Variants in COL4A3 observed in about 807,000 individuals in gnomAD.
The protein encoded by COL4A3 is collagen alpha-3(IV) chain.
COL4A3 carries 135 observed loss-of-function variants against 217.4 expected under a neutral mutation model. The observed-to-expected ratio is 0.62, with a 90% CI of 0.54 to 0.72. The LOEUF (loss-of-function observed/expected upper bound fraction) is 0.72. Ranked by LOEUF, COL4A3 falls within the 30% of genes least tolerant of loss-of-function variation. The probability of loss-of-function intolerance (pLI) is 0.00; values close to 1 mark genes in which losing one functional copy is unlikely to be tolerated. For missense variants in COL4A3, 1,868 were observed against 2,119.9 expected, an observed-to-expected ratio of 0.88 and a Z score of 2.33; for synonymous variants, 690 against 736.3, an observed-to-expected ratio of 0.94 and a Z score of 1.02.
intron 27 of COL4A3, 80 bp from the exon 28 acceptor site, chr2:227,277,369 G>C (rs1457434227): frequency 1.9e-5 from 17 of 873,250 alleles, no homozygotes; most frequent in Non-Finnish European, 3.2e-5. Context: ...GGACGACACA[G>C]AGAACTTAGA....
intron 1 of COL4A3, among the ~76,000 whole-genome samples, chr2:227,165,163 T>C (rs373675579): frequency 6.6e-6 from 1 of 152,046 alleles, no homozygotes; most frequent in East Asian, 1.9e-4. Context: ...GATGTGGAGA[T>C]GCACGGTGTC....
intron 34 of COL4A3, among the ~76,000 whole-genome samples, chr2:227,286,604 T>C (rs2072343258): frequency 6.6e-6 from 1 of 152,170 alleles, no homozygotes; most frequent in African/African-American, 2.4e-5. Context: ...GACACTCTGA[T>C]AGGAAATGGC....
chr2:227,196,620 T>C (rs879410120), intron 1 of COL4A3, among the ~76,000 whole-genome samples: 1 of 152,084 alleles, frequency 6.6e-6, no homozygotes, highest in Non-Finnish European at 1.5e-5. Context: ...CCTGGCCGTT[T>C]TTATCTTTTA....
intron 43 of COL4A3, among the ~76,000 whole-genome samples, chr2:227,299,393 AAAACAAAC>A (rs146886880): frequency 6.6e-6 from 1 of 151,950 alleles, no homozygotes; most frequent in Non-Finnish European, 1.5e-5. Flanking sequence ...AGACTCCGTC[AAAACAAAC>A]AAACAAACAA....
At chr2:227,261,376 A>T (rs1433946782) in intron 20 of COL4A3, among the ~76,000 whole-genome samples, 1 of 152,144 alleles carries the variant, frequency 6.6e-6, no homozygotes, top group Non-Finnish European at 1.5e-5. Flanking sequence ...AATACAAAAA[A>T]ATTAGCTGGG....
chr2:227,196,539 G>A (rs1436247100), intron 1 of COL4A3, among the ~76,000 whole-genome samples: 5 of 151,814 alleles, frequency 3.3e-5, no homozygotes, highest in South Asian at 2.1e-4. Context: ...GGATGGTCTC[G>A]ATCTCCTGAC....
intron 1 of COL4A3, among the ~76,000 whole-genome samples, chr2:227,211,350 TG>T (rs2067314804): frequency 6.6e-6 from 1 of 152,188 alleles, no homozygotes; most frequent in African/African-American, 2.4e-5. Context: ...TCCCATCCTA[TG>T]AATGTAACAA....
chr2:227,257,673 C>T (rs764524527), intron 18 of COL4A3, 29 bp downstream of exon 18: 15 of 1,601,534 alleles, frequency 9.4e-6, no homozygotes, highest in African/African-American at 2.7e-5. Context: ...AATATCAATG[C>T]TATGTTTGAT....
chr2:227,252,147 C>T (rs1458400863), intron 11 of COL4A3, among the ~76,000 whole-genome samples: 2 of 147,722 alleles, frequency 1.4e-5, no homozygotes, highest in African/African-American at 5.0e-5. Flanking sequence ...TGAGCCCCAA[C>T]AGGAAATTGG....
At chr2:227,206,589 C>T (rs905293671) in intron 1 of COL4A3, among the ~76,000 whole-genome samples, 3 of 152,112 alleles carry the variant, frequency 2.0e-5, no homozygotes, top group Non-Finnish European at 2.9e-5. Context: ...CTTCCAAATG[C>T]GGCCCGTGAC....
chr2:227,230,619 A>C (rs1162750453), intron 1 of COL4A3, among the ~76,000 whole-genome samples: 1 of 152,222 alleles, frequency 6.6e-6, no homozygotes, highest in African/African-American at 2.4e-5. Context: ...GGGTCCAACA[A>C]TGTAGATGGA....
intron 20 of COL4A3, 27 bp from the exon 21 acceptor site, chr2:227,263,753 A>C (rs771232803): frequency 1.2e-5 from 19 of 1,602,722 alleles, no homozygotes; most frequent in Admixed American, 3.4e-5. Flanking sequence ...AAAATGTAAA[A>C]TACAAGAAAT....
chr2:227,312,935 A>G lies in COL4A3; in HGVS notation c.*1065A>G, dbSNP rs1345684275. On this transcript the variant is annotated 3_prime_UTR_variant, in exon 52 of 52. Transcript: ENST00000396578. ...TCTAATTCTTCCTTTGTAAAAAAAA[A>G]AAAAAGCAACACTTTTTATGTTATA... is the stretch of plus-strand genomic sequence containing the variant. The G allele has an allele frequency of 6.6e-6, 1 of 152,470 alleles. No homozygotes were observed. Among genetic ancestry groups the G allele is most frequent in the Non-Finnish European group, 1.5e-5 (1 of 68,006 alleles). The allele number at this position is 152,470 out of a possible 1,614,324, so 9.4% of individuals were successfully genotyped here.
At chr2:227,229,777 G>A (rs1018300050) in intron 1 of COL4A3, among the ~76,000 whole-genome samples, 5 of 152,094 alleles carry the variant, frequency 3.3e-5, no homozygotes, top group Admixed American at 6.5e-5. Context: ...GGCCGGGCGC[G>A]GTGGCTCACG....
At chr2:227,201,846 G>A (rs911301011) in intron 1 of COL4A3, among the ~76,000 whole-genome samples, 3 of 152,134 alleles carry the variant, frequency 2.0e-5, no homozygotes, top group Non-Finnish European at 2.9e-5. Context: ...AGCACCTCCT[G>A]ATCCCAAATG....
Position 227,202,837 on chromosome 2 carries a change from G to A in COL4A3, c.88-35131G>A, listed in dbSNP as rs1284381302. Among the ~76,000 whole-genome samples the A allele has an allele frequency of 8.4e-5, 5 of 59,748 alleles. 1 individual carries two copies. Among genetic ancestry groups the A allele is most frequent in the Non-Finnish European group, 1.6e-4 (5 of 32,200 alleles). 39.2% of individuals were successfully genotyped at this position (59,748 alleles called of 152,430 possible). A position where few individuals can be genotyped will look rare whatever the true frequency, so the allele number is the denominator to read the frequency against. ...TATATACATATATGTGTATCTATGT[G>A]TATATATACATATGTGTATATATAC... On this transcript the variant is annotated intron_variant, in intron 1 of 51. Transcript: ENST00000396578.
At chr2:227,260,887 G>A (rs941314753) in intron 19 of COL4A3, among the ~76,000 whole-genome samples, 195 bp from the exon 20 acceptor site, 2 of 152,208 alleles carry the variant, frequency 1.3e-5, no homozygotes, top group South Asian at 2.1e-4. Flanking sequence ...TTACTTTTGA[G>A]TGTTAGACTT....
At chr2:227,285,919 A>G (rs1391481686) in intron 34 of COL4A3, among the ~76,000 whole-genome samples, 1 of 152,204 alleles carries the variant, frequency 6.6e-6, no homozygotes, top group Non-Finnish European at 1.5e-5. Context: ...CCTAATTTCA[A>G]TATGATCCAT....
chr2:227,266,377 AC>A (rs770320591), intron 21 of COL4A3, 39 bp from the exon 22 acceptor site: 15 of 1,471,166 alleles, frequency 1.0e-5, no homozygotes, highest in Middle Eastern at 1.7e-4. Context: ...ATTGAAAAAA[AC>A]ACAAATAAAA....
Sources: allele counts gnomAD v4.1 joint callset (sites outside exome capture counted in the v4.1 genomes callset), GRCh38; gene constraint gnomAD v4.1.1; transcripts MANE v1.5; gene names NCBI Gene and HGNC (gene_info 2026-07-23, HGNC 2026-07-21).